RALYL: variants seen among roughly 807,000 people sequenced by gnomAD.
RALYL encodes the protein RNA-binding Raly-like protein.
In RALYL, 29 loss-of-function variants were observed where a neutral mutation model predicts 35.1. The ratio of observed to expected loss-of-function variants is 0.83; its 90% CI spans 0.61 to 1.13. RALYL has a LOEUF of 1.13. Ranked by LOEUF, RALYL falls within the 50% of genes most tolerant of loss-of-function variation. RALYL has a pLI of 0.00. For missense variants in RALYL, 359 were observed against 360.4 expected, an observed-to-expected ratio of 1.00 and a Z score of 0.03; for synonymous variants, 120 against 127.6, an observed-to-expected ratio of 0.94 and a Z score of 0.40.
chr8:84,459,172 A>C (rs2050466359), intron 1 of RALYL, among the ~76,000 whole-genome samples: 1 of 151,774 alleles, frequency 6.6e-6, no homozygotes, highest in Non-Finnish European at 1.5e-5. Flanking sequence ...AACCTAACAG[A>C]GAATTGTATG....
intron 5 of RALYL, among the ~76,000 whole-genome samples, chr8:84,860,481 T>C (rs1837888199): frequency 6.6e-6 from 1 of 152,216 alleles, no homozygotes; most frequent in Admixed American, 6.5e-5. Context: ...CTTAAGGTGC[T>C]CTGTGAATTC....
chr8:84,780,717 T>C (rs2718975), intron 3 of RALYL, among the ~76,000 whole-genome samples: 34,836 of 152,098 alleles, frequency 0.23, 4,224 homozygotes, highest in Non-Finnish European at 0.25. Flanking sequence ...AAGGAAGATA[T>C]AAAATTTCCT....
intron 1 of RALYL, among the ~76,000 whole-genome samples, chr8:84,242,914 C>G (rs1330241609): frequency 6.6e-6 from 1 of 151,986 alleles, no homozygotes; most frequent in Non-Finnish European, 1.5e-5. Context: ...AAATTTTTGC[C>G]TGTGCTATGT....
At chr8:84,378,480 G>A (rs1367141763) in intron 1 of RALYL, among the ~76,000 whole-genome samples, 1 of 151,816 alleles carries the variant, frequency 6.6e-6, no homozygotes, top group Admixed American at 6.6e-5. Flanking sequence ...AATAATATAT[G>A]TACATTTAAA....
chr8:84,687,896 C>T (rs1412275890), intron 2 of RALYL, among the ~76,000 whole-genome samples: 1 of 152,044 alleles, frequency 6.6e-6, no homozygotes, highest in Non-Finnish European at 1.5e-5. Context: ...TTTTATTTCT[C>T]ATGATCCCAT....
At chr8:84,547,124 C>T (rs921832026) in intron 2 of RALYL, among the ~76,000 whole-genome samples, 13 of 152,016 alleles carry the variant, frequency 8.6e-5, no homozygotes, top group Admixed American at 7.2e-4. Flanking sequence ...CCTCCTCTTG[C>T]CCTCCCAACA....
chr8:84,235,287 G>A (rs1038335128), intron 1 of RALYL, among the ~76,000 whole-genome samples: 3 of 152,112 alleles, frequency 2.0e-5, no homozygotes, highest in African/African-American at 7.2e-5. Flanking sequence ...TTGAAATACA[G>A]GCTAAGAAGT....
intron 4 of RALYL, among the ~76,000 whole-genome samples, chr8:84,834,420 G>A (rs1563705525): frequency 1.3e-5 from 2 of 152,228 alleles, no homozygotes; most frequent in Non-Finnish European, 2.9e-5. Context: ...AGAAGTCTAT[G>A]AGGATGTTAG....
chr8:84,845,859 A>T (rs541359416), intron 4 of RALYL, among the ~76,000 whole-genome samples: 1 of 152,272 alleles, frequency 6.6e-6, no homozygotes, highest in Admixed American at 6.5e-5. Flanking sequence ...ATTCTTCTGC[A>T]TATCAGCCAG....
intron 8 of RALYL, among the ~76,000 whole-genome samples, chr8:84,914,093 C>G (rs1018672514): frequency 1.4e-4 from 22 of 151,856 alleles, no homozygotes; most frequent in African/African-American, 5.3e-4. Flanking sequence ...GCAATTAATT[C>G]CAAATAACAT....
intron 3 of RALYL, among the ~76,000 whole-genome samples, chr8:84,795,239 C>G (rs924810158): frequency 2.0e-5 from 3 of 152,186 alleles, no homozygotes; most frequent in African/African-American, 7.2e-5. Context: ...TGATGTTCTT[C>G]TAATGATCAA....
intron 8 of RALYL, among the ~76,000 whole-genome samples, chr8:84,915,950 T>A (rs1179567040): frequency 1.3e-5 from 2 of 152,190 alleles, no homozygotes; most frequent in African/African-American, 4.8e-5. Flanking sequence ...CAGTAGGTTT[T>A]GTTATTTCAT....
At chr8:84,306,593 C>CA (rs908529379) in intron 1 of RALYL, among the ~76,000 whole-genome samples, 6 of 152,242 alleles carry the variant, frequency 3.9e-5, no homozygotes, top group African/African-American at 1.4e-4. Flanking sequence ...GGACAGCCTA[C>CA]AACCACTGAC....
chr8:84,645,718 A>G (rs1226340067), intron 2 of RALYL, among the ~76,000 whole-genome samples: 6 of 152,098 alleles, frequency 3.9e-5, no homozygotes, highest in African/African-American at 9.7e-5. Flanking sequence ...GAAAGGACAC[A>G]TAAGTGTGTG....
intron 2 of RALYL, among the ~76,000 whole-genome samples, chr8:84,751,606 G>C (rs1810030804): frequency 6.6e-6 from 1 of 152,106 alleles, no homozygotes; most frequent in Admixed American, 6.6e-5. Context: ...TGGAGGTGGG[G>C]ACTGGTGGGA....
At chr8:84,466,573 AT>A (rs1348905134) in intron 1 of RALYL, among the ~76,000 whole-genome samples, 2 of 151,130 alleles carry the variant, frequency 1.3e-5, no homozygotes, top group Non-Finnish European at 3.0e-5. Context: ...TTTTGCATCA[AT>A]GTTCATCAAG....
intron 1 of RALYL, among the ~76,000 whole-genome samples, chr8:84,332,672 C>T (rs1847061191): frequency 6.6e-6 from 1 of 152,044 alleles, no homozygotes; most frequent in African/African-American, 2.4e-5. Flanking sequence ...TTTTTAAACT[C>T]CTACCTATTT....
intron 7 of RALYL, among the ~76,000 whole-genome samples, chr8:84,882,301 C>T (rs966090540): frequency 5.3e-5 from 8 of 151,958 alleles, no homozygotes; most frequent in Admixed American, 1.3e-4. Flanking sequence ...TGCCAGTGTT[C>T]GAAGGCAGCC....
chr8:84,787,199 C>T (rs961412645), intron 3 of RALYL, among the ~76,000 whole-genome samples: 1 of 151,606 alleles, frequency 6.6e-6, no homozygotes, highest in Non-Finnish European at 1.5e-5. Context: ...GTGATGTTCC[C>T]CTCTCTGTGT....
Sources: allele counts gnomAD v4.1 joint callset (sites outside exome capture counted in the v4.1 genomes callset), GRCh38; gene constraint gnomAD v4.1.1; transcripts MANE v1.5; gene names NCBI Gene and HGNC (gene_info 2026-07-23, HGNC 2026-07-21).